Variants in PDE4D observed in about 807,000 individuals in gnomAD.
The protein encoded by PDE4D is 3',5'-cyclic-AMP phosphodiesterase 4D.
A neutral mutation model predicts 87.4 loss-of-function variants in PDE4D; 24 were observed. That is an observed-to-expected ratio of 0.27 (90% CI 0.20 to 0.39). PDE4D has a LOEUF of 0.39. Ranked by LOEUF, PDE4D falls within the 10% of genes least tolerant of loss-of-function variation. The pLI is 1.00. For synonymous variants in PDE4D, 384 were observed against 383.2 expected, an observed-to-expected ratio of 1.00 and a Z score of -0.02; for missense variants, 714 against 1,041.0, an observed-to-expected ratio of 0.69 and a Z score of 4.32.
At chr5:60,189,746 C>T (rs1377780028) in intron 1 of PDE4D, among the ~76,000 whole-genome samples, 1 of 152,174 alleles carries the variant, frequency 6.6e-6, no homozygotes, top group Non-Finnish European at 1.5e-5. Context: ...ACAGTAACTG[C>T]TGAATTATAA....
intron 1 of PDE4D, among the ~76,000 whole-genome samples, chr5:60,470,127 T>A (rs530588628): frequency 6.6e-6 from 1 of 152,298 alleles, no homozygotes; most frequent in Admixed American, 6.5e-5. Context: ...AACAGCCTTA[T>A]TGCTCATATA....
intron 1 of PDE4D, among the ~76,000 whole-genome samples, chr5:59,798,706 T>C (rs1378382738): frequency 6.6e-6 from 1 of 152,218 alleles, no homozygotes. Context: ...ATGGTGAACA[T>C]TGCTTCCATT....
At chr5:59,078,052 C>T (rs1486816036) in intron 5 of PDE4D, among the ~76,000 whole-genome samples, 1 of 152,150 alleles carries the variant, frequency 6.6e-6, no homozygotes, top group East Asian at 1.9e-4. Context: ...CCCCTTTAAT[C>T]TCTTCTTCTC....
intron 1 of PDE4D, among the ~76,000 whole-genome samples, chr5:59,250,928 A>G (rs1408215802): frequency 6.6e-6 from 1 of 152,194 alleles, no homozygotes; most frequent in Non-Finnish European, 1.5e-5. Context: ...GCAATGGAGA[A>G]AACACTCCCT....
chr5:59,350,773 C>T (rs1160238186), intron 1 of PDE4D, among the ~76,000 whole-genome samples: 1 of 152,124 alleles, frequency 6.6e-6, no homozygotes, highest in Non-Finnish European at 1.5e-5. Flanking sequence ...TCATAATACT[C>T]CATTTTACAA....
intron 1 of PDE4D, among the ~76,000 whole-genome samples, chr5:60,497,408 TG>T (rs1012836603): frequency 6.6e-6 from 1 of 151,728 alleles, no homozygotes; most frequent in African/African-American, 2.4e-5. Flanking sequence ...TTTTTGTTTT[TG>T]TTTTTGTTTT....
chr5:59,663,360 G>A (rs1745561231), intron 1 of PDE4D, among the ~76,000 whole-genome samples: 1 of 151,756 alleles, frequency 6.6e-6, no homozygotes, highest in Non-Finnish European at 1.5e-5. Context: ...CAGTAGAGAT[G>A]GGGTGTCACT....
intron 1 of PDE4D, among the ~76,000 whole-genome samples, chr5:60,365,562 G>A (rs183778771): frequency 1.7e-4 from 26 of 152,272 alleles, no homozygotes; most frequent in African/African-American, 6.3e-4. Context: ...CAGATAAATA[G>A]ATGGATGGAT....
chr5:59,422,007 C>T (rs1306604773), intron 1 of PDE4D, among the ~76,000 whole-genome samples: 2 of 151,968 alleles, frequency 1.3e-5, no homozygotes, highest in South Asian at 4.2e-4. Flanking sequence ...AGCCCTTAGG[C>T]CAATAAAATA....
intron 2 of PDE4D, among the ~76,000 whole-genome samples, chr5:60,079,706 G>A (rs1407799735): frequency 1.3e-5 from 2 of 152,134 alleles, no homozygotes. Flanking sequence ...TGTTATTTCT[G>A]AGATCTCTGT....
At chr5:59,734,477 A>G (rs1352200217) in intron 1 of PDE4D, among the ~76,000 whole-genome samples, 2 of 152,162 alleles carry the variant, frequency 1.3e-5, no homozygotes, top group Admixed American at 6.6e-5. Context: ...GCCTATAAAG[A>G]AAAGGAAGAC....
intron 1 of PDE4D, among the ~76,000 whole-genome samples, chr5:59,617,004 G>A (rs545729117): frequency 6.2e-4 from 85 of 137,008 alleles, no homozygotes; most frequent in African/African-American, 6.9e-4. Flanking sequence ...ACTTTTTGTC[G>A]TTTTCTTCTT....
At chr5:59,181,805 C>T (rs572713420) in intron 4 of PDE4D, among the ~76,000 whole-genome samples, 2 of 152,140 alleles carry the variant, frequency 1.3e-5, no homozygotes, top group South Asian at 2.1e-4. Flanking sequence ...TTGAACTAAA[C>T]GAATGTGATC....
chr5:59,329,884 A>T (rs75616305), intron 1 of PDE4D, among the ~76,000 whole-genome samples: 3 of 152,236 alleles, frequency 2.0e-5, no homozygotes, highest in African/African-American at 7.2e-5. Context: ...ATGAAGGGAA[A>T]TTAATATTAG....
intron 1 of PDE4D, among the ~76,000 whole-genome samples, chr5:60,414,440 A>G (rs772340050): frequency 6.6e-6 from 1 of 152,220 alleles, no homozygotes; most frequent in Non-Finnish European, 1.5e-5. Context: ...ACTTAAAAAT[A>G]AAATCAAATT....
chr5:59,122,444 G>C (rs1258596153), intron 5 of PDE4D, among the ~76,000 whole-genome samples: 3 of 152,110 alleles, frequency 2.0e-5, no homozygotes, highest in Non-Finnish European at 4.4e-5. Flanking sequence ...ATTAATGGGT[G>C]CAAACACACA....
At chr5:60,101,695 T>C (rs1776236619) in intron 2 of PDE4D, among the ~76,000 whole-genome samples, 1 of 152,166 alleles carries the variant, frequency 6.6e-6, no homozygotes, top group Non-Finnish European at 1.5e-5. Context: ...AGCTAGGAGC[T>C]GAATTCTGAA....
chr5:59,200,897 T>G (rs1322427016), intron 2 of PDE4D, among the ~76,000 whole-genome samples: 1 of 152,064 alleles, frequency 6.6e-6, no homozygotes, highest in African/African-American at 2.4e-5. Flanking sequence ...ATGGACTACA[T>G]ACTTCCTTAT....
At chr5:59,171,766 C>CTATATA (rs1157157653) in intron 5 of PDE4D, among the ~76,000 whole-genome samples, 1 of 135,988 alleles carries the variant, frequency 7.4e-6, no homozygotes, top group African/African-American at 2.8e-5. Context: ...CTCTCTCTCT[C>CTATATA]TCTATATATG....
Sources: gnomAD v4.1 joint callset for allele counts (sites outside exome capture counted in the v4.1 genomes callset) on GRCh38, gnomAD v4.1.1 for gene constraint, MANE v1.5 for transcripts, NCBI Gene and HGNC (gene_info 2026-07-23, HGNC 2026-07-21) for gene names.